The following GABBR2 variants were observed in gnomAD, a reference collection of about 807,000 sequenced individuals.
The protein encoded by GABBR2 is G-protein coupled receptor 51.
Under a neutral mutation model 105.6 loss-of-function variants are expected in GABBR2, and 23 were observed. The observed-to-expected ratio is 0.22, with a 90% CI of 0.16 to 0.31. The LOEUF (loss-of-function observed/expected upper bound fraction) is 0.31, where lower values mean the gene tolerates loss of function less well. Among genes scored for constraint, GABBR2 ranks in the 10% least tolerant of loss-of-function variants. The pLI is 1.00. For missense variants in GABBR2, 734 were observed against 1,245.5 expected (o/e 0.59, Z 6.18); for synonymous variants, 478 against 499.7 (o/e 0.96, Z 0.58).
chr9:98,433,642 C>T (rs1825849929), intron 7 of GABBR2, among the ~76,000 whole-genome samples: 2 of 152,188 alleles, frequency 1.3e-5, no homozygotes, highest in Non-Finnish European at 1.5e-5. Flanking sequence ...AAACTGAGGT[C>T]CATGTGGGAC....
chr9:98,370,795 A>G (rs1279563654), intron 12 of GABBR2, among the ~76,000 whole-genome samples: 4 of 152,198 alleles, frequency 2.6e-5, no homozygotes, highest in Non-Finnish European at 5.9e-5. Flanking sequence ...AAGTTTCTCT[A>G]TGACTAAGAG....
chr9:98,327,288 T>C (rs918219600), intron 13 of GABBR2, among the ~76,000 whole-genome samples: 30 of 152,150 alleles, frequency 2.0e-4, no homozygotes, highest in Non-Finnish European at 4.4e-5. Flanking sequence ...AACCTCTGCC[T>C]CCAGTCTCCC....
At position 98,496,174 on chromosome 9, in the gene GABBR2, C is replaced by A. The variant is rs1455944736; in HGVS notation, c.732+239G>T. On this transcript the variant is annotated intron_variant, in intron 4 of 18. Coordinates refer to ENST00000259455, the MANE Select transcript of GABBR2 (RefSeq NM_005458.8). ...TGAGGCTGCGTTGAGAGATATAAAA[C>A]CATCAGGAAAGTGCTCAGTGGCTGT... 1.1e-5 allele frequency: 6 copies of A among 545,340 alleles called. No individual in the cohort carries two copies. The African/African-American group carries it at 1.1e-4, about 10-fold the overall frequency. 33.8% of individuals were successfully genotyped at this position (545,340 alleles called of 1,614,324 possible).
chr9:98,334,553 CATT>C (rs1364365190), intron 13 of GABBR2, among the ~76,000 whole-genome samples: 1 of 148,622 alleles, frequency 6.7e-6, no homozygotes, highest in Non-Finnish European at 1.5e-5. Flanking sequence ...ACACTGTTGT[CATT>C]ATTATAGTAC....
At chr9:98,566,321 G>A (rs1482681378) in intron 2 of GABBR2, among the ~76,000 whole-genome samples, 1 of 152,132 alleles carries the variant, frequency 6.6e-6, no homozygotes, top group Non-Finnish European at 1.5e-5. Flanking sequence ...CCCATTTTTA[G>A]TCAATTTTCC....
chr9:98,571,718 G>A (rs1427823763), intron 2 of GABBR2, among the ~76,000 whole-genome samples: 2 of 152,142 alleles, frequency 1.3e-5, no homozygotes, highest in Admixed American at 6.5e-5. Flanking sequence ...CCAACAGCAG[G>A]CCTGGCTGAA....
chr9:98,427,581 C>T lies in GABBR2; in HGVS notation c.1237-21440G>A, dbSNP rs1825721051. Among the ~76,000 whole-genome samples, 4 of 152,328 alleles carry T rather than the reference C, an allele frequency of 2.6e-5. No homozygotes were observed. The South Asian group carries it at 6.2e-4, about 24-fold the overall frequency. On this transcript the variant is annotated intron_variant, in intron 7 of 18. Transcript: ENST00000259455. ...GGCGGTCACTACCAAATTCCATCAT[C>T]CCCTTCCACATTGAATAGGGCTGGC...
chr9:98,441,552 G>C (rs1257334369), intron 7 of GABBR2, among the ~76,000 whole-genome samples: 1 of 152,122 alleles, frequency 6.6e-6, no homozygotes, highest in East Asian at 1.9e-4. Flanking sequence ...ATTTTTAGTA[G>C]AGACAGGGTT....
At chr9:98,699,343 C>T (rs1830797350) in intron 1 of GABBR2, among the ~76,000 whole-genome samples, 1 of 152,068 alleles carries the variant, frequency 6.6e-6, no homozygotes, top group Admixed American at 6.6e-5. Context: ...CACCCAAGCA[C>T]CCTTTCCCCT....
chr9:98,627,087 C>T (rs1829747646), intron 1 of GABBR2, among the ~76,000 whole-genome samples: 1 of 152,128 alleles, frequency 6.6e-6, no homozygotes, highest in Non-Finnish European at 1.5e-5. Context: ...CAAGATGAGG[C>T]ACCTGAGCCA....
intron 6 of GABBR2, among the ~76,000 whole-genome samples, chr9:98,457,568 G>T (rs1038436205): frequency 2.6e-5 from 4 of 152,160 alleles, no homozygotes; most frequent in Admixed American, 2.6e-4. Flanking sequence ...GTCCTTCCCG[G>T]GTACAAGGAT....
Position 98,496,211 on chromosome 9 carries a change from C to A in GABBR2, c.732+202G>T, listed in dbSNP as rs910491741. On this transcript the variant is annotated intron_variant, in intron 4 of 18. Coordinates refer to ENST00000259455, the MANE Select transcript of GABBR2 (RefSeq NM_005458.8). ...TGCTCAGTGGCTGTGCACCTGCAGC[C>A]AGCACCTCTGGCCAGTGTTGGAGAG... 5.1e-6 allele frequency: 3 copies of A among 590,968 alleles called. No individual in the cohort carries two copies. In the Admixed American group the frequency reaches 8.7e-5, roughly 17 times the overall value. 36.6% of individuals were successfully genotyped at this position (590,968 alleles called of 1,614,324 possible). A position where few individuals can be genotyped will look rare whatever the true frequency, so the allele number is the denominator to read the frequency against.
At chr9:98,684,169 T>TTAAAAAAA (rs376323708) in intron 1 of GABBR2, among the ~76,000 whole-genome samples, 3,316 of 66,104 alleles carry the variant, frequency 0.05, 656 homozygotes, top group Middle Eastern at 0.15. Context: ...TTTACCACGG[T>TTAAAAAAA]AAAAAAAAAA....
At chr9:98,548,687 A>C (rs2131746501) in intron 2 of GABBR2, among the ~76,000 whole-genome samples, 1 of 120,108 alleles carries the variant, frequency 8.3e-6, no homozygotes, top group South Asian at 2.8e-4. Context: ...AGTTGATATG[A>C]GTCCTGAGTC....
At chr9:98,509,202 G>A (rs13299095) in intron 3 of GABBR2, among the ~76,000 whole-genome samples, 52,326 of 152,080 alleles carry the variant, frequency 0.34, 9,261 homozygotes, top group Middle Eastern at 0.5. Context: ...ACCTGCAGCT[G>A]AGGGTCCTGT....
At chr9:98,409,681 C>A (rs1012602587) in intron 7 of GABBR2, among the ~76,000 whole-genome samples, 2 of 152,172 alleles carry the variant, frequency 1.3e-5, no homozygotes, top group Non-Finnish European at 1.5e-5. Flanking sequence ...CTGCAGCTAG[C>A]AGTCAGTGTG....
At chr9:98,316,141 A>G (rs1830713163) in intron 13 of GABBR2, among the ~76,000 whole-genome samples, 1 of 148,936 alleles carries the variant, frequency 6.7e-6, no homozygotes, top group South Asian at 2.2e-4. Context: ...CTGGCCTGCA[A>G]AATTTTCAAC....
At chr9:98,431,333 G>A (rs1413683349) in intron 7 of GABBR2, among the ~76,000 whole-genome samples, 1 of 152,096 alleles carries the variant, frequency 6.6e-6, no homozygotes, top group Non-Finnish European at 1.5e-5. Flanking sequence ...AGAACTGATT[G>A]TTTGCTCCTG....
At chr9:98,393,762 A>G (rs963231851) in intron 9 of GABBR2, among the ~76,000 whole-genome samples, 3 of 152,226 alleles carry the variant, frequency 2.0e-5, no homozygotes, top group Non-Finnish European at 4.4e-5. Flanking sequence ...AAGAGGTGTC[A>G]TTTGAGCTGG....
Sources: gnomAD v4.1 joint callset for allele counts (sites outside exome capture counted in the v4.1 genomes callset) on GRCh38, gnomAD v4.1.1 for gene constraint, MANE v1.5 for transcripts, NCBI Gene and HGNC (gene_info 2026-07-23, HGNC 2026-07-21) for gene names.